NR3C2: variants seen among roughly 807,000 people sequenced by gnomAD.
NR3C2 encodes nuclear receptor subfamily 3 group C member 2.
In NR3C2, 15 loss-of-function variants were observed where a neutral mutation model predicts 86.4. The ratio of observed to expected loss-of-function variants is 0.17; its 90% CI spans 0.12 to 0.27. NR3C2 has a LOEUF of 0.27. NR3C2 is among the 10% of genes least tolerant of loss of function. The pLI is 1.00. For synonymous variants in NR3C2, 458 were observed against 450.5 expected, an observed-to-expected ratio of 1.02 and a Z score of -0.21; for missense variants, 960 against 1,195.6, an observed-to-expected ratio of 0.80 and a Z score of 2.91.
At position 148,345,330 on chromosome 4, in the gene NR3C2, C is replaced by T. The variant is rs143906782; in HGVS notation, c.1758-85213G>A. Among the ~76,000 whole-genome samples, 405 of 151,282 alleles carry T rather than the reference C, an allele frequency of 2.7e-3. 4 individuals carry two copies. Among genetic ancestry groups the T allele is most frequent in the African/African-American group, 8.9e-3 (367 of 41,220 alleles). On this transcript the variant is annotated intron_variant, in intron 2 of 8. Coordinates refer to ENST00000358102, the MANE Select transcript of NR3C2 (RefSeq NM_000901.5). ...TAAACACAGACCCATGTAAATAAGA[C>T]AGAAAATGAAAAATGAGGTGGCAAT... is the stretch of plus-strand genomic sequence containing the variant.
chr4:148,205,070 T>C (rs1736936453), intron 3 of NR3C2, among the ~76,000 whole-genome samples: 1 of 152,186 alleles, frequency 6.6e-6, no homozygotes, highest in South Asian at 2.1e-4. Context: ...TTTGTTAAGA[T>C]TTGAAGGTTT....
At chr4:148,399,486 C>A (rs1485272805) in intron 2 of NR3C2, among the ~76,000 whole-genome samples, 1 of 151,800 alleles carries the variant, frequency 6.6e-6, no homozygotes, top group Admixed American at 6.6e-5. Context: ...CAAATATCTT[C>A]ATTATGGCAA....
intron 2 of NR3C2, among the ~76,000 whole-genome samples, chr4:148,297,148 A>C (rs1742092771): frequency 6.6e-6 from 1 of 152,214 alleles, no homozygotes; most frequent in Non-Finnish European, 1.5e-5. Flanking sequence ...ATCACAAAGA[A>C]AAAAACATAT....
At chr4:148,206,088 G>A (rs181609477) in intron 3 of NR3C2, among the ~76,000 whole-genome samples, 3 of 152,306 alleles carry the variant, frequency 2.0e-5, no homozygotes, top group Admixed American at 2.0e-4. Context: ...GTAGTTCAGT[G>A]GAAGATGTCC....
chr4:148,126,284 C>T (rs1268540962), intron 6 of NR3C2, among the ~76,000 whole-genome samples: 1 of 152,158 alleles, frequency 6.6e-6, no homozygotes, highest in Non-Finnish European at 1.5e-5. Context: ...TAAGTATATG[C>T]AAGCTCTTAA....
At chr4:148,442,795 C>T (rs919979026), upstream of NR3C2, 20 of 985,456 alleles carry the variant, frequency 2.0e-5, no homozygotes, top group Non-Finnish European at 2.4e-5. Flanking sequence ...CACGCTGCCC[C>T]CACCCCCATC....
chr4:148,113,717 G>A (rs1260743537), intron 8 of NR3C2, among the ~76,000 whole-genome samples: 2 of 152,166 alleles, frequency 1.3e-5, no homozygotes, highest in African/African-American at 4.8e-5. Context: ...CCAACCTGGA[G>A]ATTCACTCCT....
chr4:148,315,289 G>C (rs2149942349), intron 2 of NR3C2, among the ~76,000 whole-genome samples: 1 of 152,304 alleles, frequency 6.6e-6, no homozygotes, highest in South Asian at 2.1e-4. Context: ...GTTGGAAGCT[G>C]TCACTGTGCC....
chr4:148,378,717 C>G (rs1247985517), intron 2 of NR3C2, among the ~76,000 whole-genome samples: 5 of 152,304 alleles, frequency 3.3e-5, no homozygotes, highest in Non-Finnish European at 7.4e-5. Context: ...TGGGCAAATG[C>G]TGTCATGCTT....
chr4:148,239,500 G>A (rs182572929), intron 3 of NR3C2, among the ~76,000 whole-genome samples: 87 of 152,242 alleles, frequency 5.7e-4, no homozygotes, highest in Admixed American at 6.5e-4. Flanking sequence ...TGACAGTAAT[G>A]CCAGAATTAA....
chr4:148,416,473 A>G lies in NR3C2; in HGVS notation c.1757+18631T>C, dbSNP rs548032875. ...CTGAGGCACCAAAAGGTTAATAAAT[A>G]ATTTGCCTAAGATCACACAGCTGAT... On this transcript the variant is annotated intron_variant, in intron 2 of 8. Coordinates refer to ENST00000358102, the MANE Select transcript of NR3C2 (RefSeq NM_000901.5). 5.9e-5 allele frequency among the ~76,000 whole-genome samples: 9 copies of G among 152,330 alleles called. No homozygotes were observed. The South Asian group carries it at 8.3e-4, about 14-fold the overall frequency.
chr4:148,191,593 A>C (rs1420113646), intron 4 of NR3C2, among the ~76,000 whole-genome samples: 1 of 152,168 alleles, frequency 6.6e-6, no homozygotes, highest in East Asian at 1.9e-4. Context: ...GGCTTTTAGA[A>C]TTCTCTTCTT....
chr4:148,084,038 A>G (rs932295325), intron 8 of NR3C2, among the ~76,000 whole-genome samples: 1 of 152,242 alleles, frequency 6.6e-6, no homozygotes, highest in Non-Finnish European at 1.5e-5. Context: ...GACCAAATCT[A>G]CGTTTAATTG....
intron 4 of NR3C2, among the ~76,000 whole-genome samples, chr4:148,160,554 G>A (rs1734609556): frequency 6.6e-6 from 1 of 152,064 alleles, no homozygotes; most frequent in South Asian, 2.1e-4. Context: ...TAGTAAAAGA[G>A]TGATATATAG....
At chr4:148,399,793 C>T (rs1348794424) in intron 2 of NR3C2, among the ~76,000 whole-genome samples, 1 of 151,902 alleles carries the variant, frequency 6.6e-6, no homozygotes, top group African/African-American at 2.4e-5. Flanking sequence ...ATTAATAATC[C>T]TAAAAAGCTT....
At chr4:148,178,789 TG>T (rs1363752834) in intron 4 of NR3C2, among the ~76,000 whole-genome samples, 2 of 151,382 alleles carry the variant, frequency 1.3e-5, no homozygotes, top group Non-Finnish European at 3.0e-5. Flanking sequence ...GAATTTTGAA[TG>T]CAGGACACTC....
chr4:148,352,173 C>T (rs1156606904), intron 2 of NR3C2, among the ~76,000 whole-genome samples: 43 of 152,182 alleles, frequency 2.8e-4, no homozygotes, highest in Non-Finnish European at 1.3e-4. Context: ...GTACTACCCA[C>T]TTTCCAGCAA....
chr4:148,207,171 A>C (rs1737048498), intron 3 of NR3C2, among the ~76,000 whole-genome samples: 4 of 152,026 alleles, frequency 2.6e-5, no homozygotes, highest in African/African-American at 9.7e-5. Flanking sequence ...GATCCTCCCA[A>C]AGTGCTGGGA....
At chr4:148,311,779 TTTAGTCTGC>T (rs781035597) in intron 2 of NR3C2, among the ~76,000 whole-genome samples, 5 of 152,246 alleles carry the variant, frequency 3.3e-5, no homozygotes, top group African/African-American at 4.8e-5. Flanking sequence ...TGCACTCTTG[TTTAGTCTGC>T]ACCAGCCATG....
Sources: allele counts gnomAD v4.1 joint callset (sites outside exome capture counted in the v4.1 genomes callset), GRCh38; gene constraint gnomAD v4.1.1; transcripts MANE v1.5; gene names NCBI Gene and HGNC (gene_info 2026-07-23, HGNC 2026-07-21).